Variants in C11orf65 observed in about 807,000 individuals in gnomAD.
C11orf65 encodes chromosome 11 open reading frame 65.
A neutral mutation model predicts 35.3 loss-of-function variants in C11orf65; 38 were observed. The ratio of observed to expected loss-of-function variants is 1.08; its 90% confidence interval spans 0.83 to 1.41. C11orf65 has a LOEUF of 1.41. C11orf65 is among the 40% of genes most tolerant of loss of function. C11orf65 has a pLI of 0.00. For synonymous variants in C11orf65, 105 were observed against 114.4 expected, an observed-to-expected ratio of 0.92 and a Z score of 0.53; for missense variants, 370 against 367.1, an observed-to-expected ratio of 1.01 and a Z score of -0.06.
At chr11:108,386,798 T>C (rs1273001743) in intron 7 of C11orf65, among the ~76,000 whole-genome samples, 1 of 152,098 alleles carries the variant, frequency 6.6e-6, no homozygotes, top group African/African-American at 2.4e-5. Context: ...TGTCACGTAA[T>C]TGGCTGGGCG....
At position 108,326,115 on chromosome 11, in the gene C11orf65, T is replaced by C. The variant is rs2085653356; in HGVS notation, c.641-17044A>G. The stretch of plus-strand genomic sequence containing the variant: ...GTACAATTCAGTTAGCTGTGGAGTC[T>C]CTGAGTGGCAGCTGGAAGAAGCACA... On this transcript the variant is annotated intron_variant, in intron 6 of 6. Coordinates refer to the C11orf65 transcript ENST00000525729. 6.2e-7 allele frequency: 1 copy of C among 1,614,166 alleles called. No homozygotes were observed. Among genetic ancestry groups the C allele is most frequent in the Non-Finnish European group, 8.5e-7 (1 of 1,180,006 alleles).
chr11:108,318,277 G>A (rs995796805), intron 6 of C11orf65, among the ~76,000 whole-genome samples: 1 of 151,822 alleles, frequency 6.6e-6, no homozygotes, highest in Non-Finnish European at 1.5e-5. Context: ...CAGGAGAATT[G>A]CTAGAACACG....
chr11:108,439,620 T>C (rs1002896521), intron 2 of C11orf65, among the ~76,000 whole-genome samples: 6 of 152,224 alleles, frequency 3.9e-5, no homozygotes, highest in Admixed American at 2.0e-4. Flanking sequence ...CATATAGATA[T>C]ATAATGGAAT....
chr11:108,408,349 T>G (rs2092585165), intron 3 of C11orf65, among the ~76,000 whole-genome samples: 1 of 152,112 alleles, frequency 6.6e-6, no homozygotes, highest in African/African-American at 2.4e-5. Context: ...TGACCTTTCC[T>G]AATTAGCTAT....
chr11:108,427,746 G>A (rs1216357977), intron 3 of C11orf65, among the ~76,000 whole-genome samples: 18 of 87,850 alleles, frequency 2.0e-4, no homozygotes, highest in Non-Finnish European at 2.7e-4. Context: ...AAAAAAAAAA[G>A]CTCATCATTA....
At chr11:108,418,170 A>C (rs1039250664) in intron 3 of C11orf65, among the ~76,000 whole-genome samples, 1 of 152,204 alleles carries the variant, frequency 6.6e-6, no homozygotes, top group South Asian at 2.1e-4. Context: ...CTTTTAATAC[A>C]TATCTCTCAG....
intron 2 of C11orf65, among the ~76,000 whole-genome samples, chr11:108,356,586 C>T (rs2089956136): frequency 6.8e-6 from 1 of 148,086 alleles, no homozygotes; most frequent in Non-Finnish European, 1.5e-5. Flanking sequence ...ATTAAAGAGT[C>T]AAAGCAGCTT....
chr11:108,438,214 T>C (rs1252610157), intron 2 of C11orf65, among the ~76,000 whole-genome samples: 1 of 152,076 alleles, frequency 6.6e-6, no homozygotes, highest in African/African-American at 2.4e-5. Flanking sequence ...AATAATGAAA[T>C]TGGGTCCTTA....
At chr11:108,461,683 A>C (rs2089183594) in intron 1 of C11orf65, 115 bp from the exon 2 acceptor site, 4 of 666,988 alleles carry the variant, frequency 6.0e-6, no homozygotes, top group Non-Finnish European at 7.4e-6. Context: ...GCTGGAGTGC[A>C]GTGGTGCGAT....
intron 2 of C11orf65, among the ~76,000 whole-genome samples, chr11:108,444,931 T>TA (rs1280056740): frequency 3.3e-5 from 5 of 152,150 alleles, no homozygotes; most frequent in Admixed American, 1.3e-4. Context: ...GCAACGGGCT[T>TA]AAAAAACGGC....
chr11:108,331,053 T>A, downstream of C11orf65: 1 of 504,150 alleles, frequency 2.0e-6, no homozygotes, highest in Non-Finnish European at 2.7e-6. Context: ...TCTGCTGTAG[T>A]ATACACTAAA....
chr11:108,452,652 G>T (rs552182284), intron 2 of C11orf65, among the ~76,000 whole-genome samples: 2 of 152,144 alleles, frequency 1.3e-5, no homozygotes, highest in African/African-American at 2.4e-5. Flanking sequence ...ATTACTGGGT[G>T]TATATCCAAA....
At chr11:108,441,566 C>T (rs1448291443) in intron 2 of C11orf65, among the ~76,000 whole-genome samples, 10 of 152,084 alleles carry the variant, frequency 6.6e-5, no homozygotes, top group African/African-American at 2.4e-4. Context: ...CTGGGAGGCA[C>T]CCCCCAGTAG....
At chr11:108,377,301 C>T (rs2091755834) in intron 2 of C11orf65, among the ~76,000 whole-genome samples, 1 of 152,164 alleles carries the variant, frequency 6.6e-6, no homozygotes, top group Non-Finnish European at 1.5e-5. Flanking sequence ...TGGGCTTCAT[C>T]CCTGGGATGC....
chr11:108,316,170 C>T (rs2136135717), intron 6 of C11orf65: 2 of 1,465,808 alleles, frequency 1.4e-6, no homozygotes, highest in Non-Finnish European at 1.9e-6. Context: ...GAGGTTATTT[C>T]AGTATGTTGG....
chr11:108,312,923 G>A (rs1311759755), intron 6 of C11orf65, among the ~76,000 whole-genome samples: 1 of 152,166 alleles, frequency 6.6e-6, no homozygotes, highest in African/African-American at 2.4e-5. Flanking sequence ...TGTCTGGGAT[G>A]CTTGCCGAAT....
At chr11:108,439,649 GGAAT>G (rs1490640146) in intron 2 of C11orf65, among the ~76,000 whole-genome samples, 1 of 152,078 alleles carries the variant, frequency 6.6e-6, no homozygotes. Flanking sequence ...TCCTTAGAAA[GGAAT>G]GAAATTCTGA....
chr11:108,352,598 C>A (rs1438303250), intron 2 of C11orf65, among the ~76,000 whole-genome samples: 2 of 152,152 alleles, frequency 1.3e-5, no homozygotes, highest in African/African-American at 4.8e-5. Context: ...TATAAAATGG[C>A]CATGTACTAC....
chr11:108,356,860 T>G (rs2090000036), intron 2 of C11orf65, among the ~76,000 whole-genome samples: 1 of 152,138 alleles, frequency 6.6e-6, no homozygotes, highest in African/African-American at 2.4e-5. Flanking sequence ...TTCCTTTGAG[T>G]GAGGGTTTTG....
Sources: allele counts gnomAD v4.1 joint callset (sites outside exome capture counted in the v4.1 genomes callset), GRCh38; gene constraint gnomAD v4.1.1; transcripts MANE v1.5; gene names NCBI Gene and HGNC (gene_info 2026-07-23, HGNC 2026-07-21).